ADH1C: variants seen among roughly 807,000 people sequenced by gnomAD.
ADH1C encodes alcohol dehydrogenase 1C.
ADH1C carries 26 observed loss-of-function variants against 35.0 expected under a neutral mutation model. The observed-to-expected ratio is 0.74, with a 90% CI of 0.54 to 1.03. ADH1C has a LOEUF of 1.03. Ranked by LOEUF, ADH1C falls within the 50% of genes least tolerant of loss-of-function variation. The pLI, the probability that ADH1C is intolerant of heterozygous loss-of-function variation, is 0.00. For missense variants in ADH1C, 413 were observed against 465.4 expected (o/e 0.89, Z 1.04); for synonymous variants, 170 against 169.3 (o/e 1.00, Z -0.03).
chr4:99,348,914 A>C (rs1256907928), intron 1 of ADH1C, among the ~76,000 whole-genome samples: 3 of 150,328 alleles, frequency 2.0e-5, no homozygotes, highest in Non-Finnish European at 1.5e-5. Context: ...TTTTGGCTGC[A>C]TAAATGTCTT....
chr4:99,346,145 C>T (rs1249897831), intron 3 of ADH1C, among the ~76,000 whole-genome samples: 1 of 152,012 alleles, frequency 6.6e-6, no homozygotes. Context: ...TAAAGTGATT[C>T]TTTAAAGACA....
rs5860576 is a variant in ADH1C, at chr4:99,339,512, GCCCCC to G, written c.1103+60_1103+64del. ...ACCTTTTCATTCTCTGCTAGACAAC[GCCCCC>G]CCCCCCCCCGCCGCTACTGTAGAAT... On this transcript the variant is annotated intron_variant, in intron 8 of 8. Transcript: ENST00000515683. 59 of 743,948 alleles carry G rather than the reference GCCCCC, an allele frequency of 7.9e-5. 3 individuals are homozygous for G. Among genetic ancestry groups the G allele is most frequent in the South Asian group, 7.0e-4 (32 of 45,666 alleles). 46.1% of individuals were successfully genotyped at this position (743,948 alleles called of 1,614,324 possible). A position where few individuals can be genotyped will look rare whatever the true frequency, so the allele number is the denominator to read the frequency against.
intron 8 of ADH1C, among the ~76,000 whole-genome samples, chr4:99,337,644 A>T (rs941961539): frequency 2.0e-5 from 3 of 151,988 alleles, no homozygotes; most frequent in African/African-American, 7.2e-5. Flanking sequence ...ATATGCACAT[A>T]ATTTAGAGAA....
rs1170157061 is a variant in ADH1C at position 99,338,393 on chromosome 4, TTCTATA to T, written c.1103+1178_1103+1183del. Among the ~76,000 whole-genome samples the T allele has an allele frequency of 8.2e-4, 60 of 73,092 alleles. 12 individuals are homozygous for T. Among genetic ancestry groups the T allele is most frequent in the African/African-American group, 2.7e-3 (50 of 18,326 alleles). The allele number at this position is 73,092 out of a possible 152,430, so 48.0% of individuals were successfully genotyped here. The stretch of plus-strand genomic sequence containing the variant: ...TAATTAACCTTTGATGAATACTGTT[TTCTATA>T]TATATATATATATATATATATATAT... On this transcript the variant is annotated intron_variant, in intron 8 of 8. Coordinates refer to ENST00000515683, the MANE Select transcript of ADH1C (RefSeq NM_000669.5).
intron 7 of ADH1C, among the ~76,000 whole-genome samples, chr4:99,340,185 G>A (rs758578387): frequency 5.3e-5 from 8 of 152,260 alleles, no homozygotes; most frequent in Admixed American, 2.0e-4. Context: ...TTGGGAGGCC[G>A]AGGCAGGCAG....
chr4:99,341,707 G>A (rs1734419479), intron 6 of ADH1C, among the ~76,000 whole-genome samples: 2 of 152,144 alleles, frequency 1.3e-5, no homozygotes, highest in African/African-American at 4.8e-5. Flanking sequence ...TTTTTCAGTA[G>A]GAGTCTAGAT....
chr4:99,339,488 C>T (rs899387612), intron 8 of ADH1C, 89 bp downstream of exon 8: 4 of 1,276,058 alleles, frequency 3.1e-6, no homozygotes, highest in Admixed American at 3.2e-5. Context: ...CATCCTTCCA[C>T]CTTTTCATTC....
intron 3 of ADH1C, 44 bp from the exon 4 acceptor site, chr4:99,345,310 A>T: frequency 6.4e-7 from 1 of 1,556,766 alleles, no homozygotes; most frequent in Non-Finnish European, 8.8e-7. Context: ...TCTATGCAGG[A>T]ATTAATAGAG....
intron 3 of ADH1C, among the ~76,000 whole-genome samples, chr4:99,346,618 T>C (rs962636249): frequency 6.6e-6 from 1 of 151,018 alleles, no homozygotes; most frequent in Non-Finnish European, 1.5e-5. Flanking sequence ...CATACTTATG[T>C]TTTTTTTTCT....
At chr4:99,340,220 A>G (rs1047398831) in intron 7 of ADH1C, among the ~76,000 whole-genome samples, 3 of 152,076 alleles carry the variant, frequency 2.0e-5, no homozygotes, top group Non-Finnish European at 4.4e-5. Flanking sequence ...GGAGTTCGAG[A>G]CCACCTTGGC....
chr4:99,340,135 G>T (rs1312149616), intron 7 of ADH1C, among the ~76,000 whole-genome samples: 1 of 152,202 alleles, frequency 6.6e-6, no homozygotes, highest in African/African-American at 2.4e-5. Context: ...TCTTGGGGCT[G>T]GGCATGATGG....
chr4:99,336,722 A>G lies in ADH1C; in HGVS notation c.*30T>C. The G allele has an allele frequency of 6.2e-7, 1 of 1,612,856 alleles. No homozygotes were observed. The highest frequency in any genetic ancestry group is 8.5e-7 in the Non-Finnish European group (1 of 1,179,002). Reference sequence around the variant, plus strand: ...TCATGTAGGGTAGAGGAGGCTGAAAACTGCTACAAGGGAAGGCATCTGTAT... The same window carrying G: ...TCATGTAGGGTAGAGGAGGCTGAAAGCTGCTACAAGGGAAGGCATCTGTAT... On this transcript the variant is annotated 3_prime_UTR_variant, in exon 9 of 9. Coordinates refer to ENST00000515683, the MANE Select transcript of ADH1C (RefSeq NM_000669.5).
Position 99,340,712 on chromosome 4 carries a change from T to A in ADH1C, c.829-2A>T, listed in dbSNP as rs778241794. ...ATGACAACATAACAGGGAAGCCATC[T>A]GGAATAAAGTGAACATTTAGTATCC... is the stretch of plus-strand genomic sequence containing the variant. On this transcript the variant is annotated splice_acceptor_variant, in intron 6 of 8. Transcript: ENST00000515683. LOFTEE classifies it high-confidence loss of function. The A allele has an allele frequency of 6.2e-7, 1 of 1,612,380 alleles. No individual in the cohort carries two copies.
rs747054388 is a variant in ADH1C at position 99,339,561 on chromosome 4, AC to A, written c.1103+15del. The A allele has an allele frequency of 5.2e-6, 8 of 1,551,450 alleles. No homozygotes were observed. The African/African-American group carries it at 5.6e-5, about 11-fold the overall frequency. ...GTAGAATACAAAGCAAAACAAAAAA[AC>A]AACTTAAAATCTACCTCTTTCCAGA... On this transcript the variant is annotated intron_variant, in intron 8 of 8. Transcript: ENST00000515683.
intron 2 of ADH1C, among the ~76,000 whole-genome samples, chr4:99,347,347 A>T (rs538030427): frequency 6.6e-6 from 1 of 152,364 alleles, no homozygotes; most frequent in East Asian, 1.9e-4. Context: ...CTTGAATTTA[A>T]CAATTTAGAA....
Position 99,340,787 on chromosome 4 carries a change from T to C in ADH1C, c.829-77A>G, listed in dbSNP as rs575001137. 8 of 1,585,834 alleles carry C rather than the reference T, an allele frequency of 5.0e-6. No individual in the cohort carries two copies. The South Asian group carries it at 5.7e-5, about 11-fold the overall frequency. On this transcript the variant is annotated intron_variant, in intron 6 of 8. Coordinates refer to ENST00000515683, the MANE Select transcript of ADH1C (RefSeq NM_000669.5). ...ACTCATAATGCACAATATCATGTAATAGGCTTAGCTGGATTGTGAGTGTGT... is the reference window on the plus strand; with the variant it reads ...ACTCATAATGCACAATATCATGTAACAGGCTTAGCTGGATTGTGAGTGTGT...
rs2110654738 is a variant in ADH1C at position 99,340,716 on chromosome 4, A to G, written c.829-6T>C. ...CAACATAACAGGGAAGCCATCTGGA[A>G]TAAAGTGAACATTTAGTATCCTTAA... On this transcript the variant is annotated splice_polypyrimidine_tract_variant and splice_region_variant and intron_variant, in intron 6 of 8. Transcript: ENST00000515683. The G allele has an allele frequency of 6.2e-7, 1 of 1,612,350 alleles. No individual in the cohort carries two copies. The highest frequency in any genetic ancestry group is 8.5e-7 in the Non-Finnish European group (1 of 1,179,964).
At chr4:99,344,213 T>A (rs2110657855) in intron 5 of ADH1C, among the ~76,000 whole-genome samples, 1 of 152,360 alleles carries the variant, frequency 6.6e-6, no homozygotes, top group South Asian at 2.1e-4. Flanking sequence ...ATTTTCAGTC[T>A]ACTCAGATGA....
Position 99,344,862 on chromosome 4 carries a change from C to G in ADH1C, c.567G>C (p.Lys189Asn). ...TGYGSAVKVA[K>N]VTPGSTCAVF... ...TTTTATCATCCATTGTCATTTCTACCTTGGCAACTTTGACTGCAGACCCAT... is the reference window on the plus strand; with the variant it reads ...TTTTATCATCCATTGTCATTTCTACGTTGGCAACTTTGACTGCAGACCCAT... The change falls in exon 5 of 9, where the codon AAG (lysine) becomes AAC (asparagine). Residue 189 changes from lysine (K) to asparagine (N), a missense_variant and splice_region_variant. Lys to Asn is a moderately conservative substitution (Grantham distance 94). Transcript: ENST00000515683. 1 of 1,614,148 alleles carries G rather than the reference C, an allele frequency of 6.2e-7. No individual in the cohort carries two copies. Among genetic ancestry groups the G allele is most frequent in the Non-Finnish European group, 8.5e-7 (1 of 1,180,038 alleles).
Sources: gnomAD v4.1 joint callset for allele counts (sites outside exome capture counted in the v4.1 genomes callset) on GRCh38, gnomAD v4.1.1 for gene constraint, MANE v1.5 for transcripts, NCBI Gene and HGNC (gene_info 2026-07-23, HGNC 2026-07-21) for gene names.